Variants in QRFPR observed in about 807,000 individuals in gnomAD.
QRFPR encodes pyroglutamylated RFamide peptide receptor.
In QRFPR, 37 loss-of-function variants were observed where a neutral mutation model predicts 31.3. The ratio of observed to expected loss-of-function variants is 1.18; its 90% confidence interval spans 0.91 to 1.56. The LOEUF is 1.56. Among genes scored for constraint, QRFPR ranks in the 40% most tolerant of loss-of-function variants. The pLI is 0.00. For missense variants in QRFPR, 542 were observed against 532.5 expected (o/e 1.02, Z -0.18); for synonymous variants, 197 against 192.0 (o/e 1.03, Z -0.22).
intron 1 of QRFPR, among the ~76,000 whole-genome samples, chr4:121,368,960 T>C (rs1726178512): frequency 6.6e-6 from 1 of 151,574 alleles, no homozygotes; most frequent in South Asian, 2.1e-4. Context: ...GGGGCAAGCT[T>C]TGTATCAATA....
intron 1 of QRFPR, among the ~76,000 whole-genome samples, chr4:121,341,084 A>G (rs1725536127): frequency 6.6e-6 from 1 of 152,194 alleles, no homozygotes; most frequent in African/African-American, 2.4e-5. Context: ...AAGACTTTAT[A>G]TATGTATTAC....
At chr4:121,360,302 C>G (rs1367567247) in intron 1 of QRFPR, among the ~76,000 whole-genome samples, 1 of 152,164 alleles carries the variant, frequency 6.6e-6, no homozygotes, top group Admixed American at 6.5e-5. Context: ...TGGATAAAAA[C>G]TTAGTACTTT....
At chr4:121,348,081 C>A (rs1376940327) in intron 1 of QRFPR, among the ~76,000 whole-genome samples, 1 of 152,014 alleles carries the variant, frequency 6.6e-6, no homozygotes, top group Non-Finnish European at 1.5e-5. Flanking sequence ...TTCTTCACCA[C>A]AGTATAGTAG....
At chr4:121,365,549 TAATATATAA>T (rs1560743674) in intron 1 of QRFPR, among the ~76,000 whole-genome samples, 247 of 9,094 alleles carry the variant, frequency 0.027, 47 homozygotes, top group African/African-American at 0.087. Context: ...ATATTATATA[TAATATATAA>T]TATATATTAT....
intron 1 of QRFPR, among the ~76,000 whole-genome samples, chr4:121,379,241 C>T (rs918677491): frequency 1.3e-5 from 2 of 152,138 alleles, no homozygotes; most frequent in African/African-American, 2.4e-5. Context: ...TAACAGCAAA[C>T]TCAGTTTAAG....
At chr4:121,331,128 A>G (rs1433733644) in intron 4 of QRFPR, among the ~76,000 whole-genome samples, 1 of 150,198 alleles carries the variant, frequency 6.7e-6, no homozygotes, top group African/African-American at 2.5e-5. Context: ...AAATATGGGA[A>G]GTTCCAGGGA....
chr4:121,367,830 G>T (rs1471856668), intron 1 of QRFPR, among the ~76,000 whole-genome samples: 1 of 148,952 alleles, frequency 6.7e-6, no homozygotes, highest in East Asian at 2.0e-4. Context: ...AAAGCAAAGA[G>T]AAATTAATAC....
In QRFPR at chr4:121,380,784, C is replaced by T; in HGVS notation, c.-137G>A. ...CTCTGGAGTCAGCCGCGCGGGAGGG[C>T]TCTAGGCTGCACCCCGGGAGGTTCG... is the stretch of plus-strand genomic sequence containing the variant. On this transcript the variant is annotated 5_prime_UTR_variant, in exon 1 of 6. Coordinates refer to ENST00000394427, the MANE Select transcript of QRFPR (RefSeq NM_198179.3). 1 of 741,126 alleles carries T rather than the reference C, an allele frequency of 1.3e-6. No individual in the cohort carries two copies. The highest frequency in any genetic ancestry group is 2.1e-6 in the Non-Finnish European group (1 of 465,516). 45.9% of individuals were successfully genotyped at this position (741,126 alleles called of 1,614,324 possible).
intron 1 of QRFPR, among the ~76,000 whole-genome samples, chr4:121,372,652 G>T (rs1726273304): frequency 6.6e-6 from 1 of 152,104 alleles, no homozygotes; most frequent in African/African-American, 2.4e-5. Context: ...ATTCTAAATA[G>T]TTCATGTAAG....
intron 1 of QRFPR, among the ~76,000 whole-genome samples, chr4:121,342,623 GT>G (rs1187450890): frequency 6.6e-6 from 1 of 151,560 alleles, no homozygotes; most frequent in African/African-American, 2.4e-5. Context: ...CTGCTAATTT[GT>G]TTTTTATTTT....
chr4:121,360,779 AG>A (rs2110478964), intron 1 of QRFPR, among the ~76,000 whole-genome samples: 1 of 152,276 alleles, frequency 6.6e-6, no homozygotes, highest in African/African-American at 2.4e-5. Context: ...AGCACTAGAA[AG>A]TTCTTCAGAA....
At chr4:121,360,634 C>A (rs1181055310) in intron 1 of QRFPR, among the ~76,000 whole-genome samples, 1 of 152,112 alleles carries the variant, frequency 6.6e-6, no homozygotes, top group Non-Finnish European at 1.5e-5. Context: ...CACTGTATTT[C>A]CATTTTGTAA....
In QRFPR at chr4:121,373,698, G is replaced by A. The variant is rs28613632; in HGVS notation, c.340+6610C>T. On this transcript the variant is annotated intron_variant, in intron 1 of 5. Transcript: ENST00000394427. The stretch of plus-strand genomic sequence containing the variant: ...ACTGATTGAATAATAAAATGGGACC[G>A]AAGAAGTTCCAGGTTAAGCTCTCTG... 1.5e-3 allele frequency among the ~76,000 whole-genome samples: 221 copies of A among 152,206 alleles called. 1 individual carries two copies. The highest frequency in any genetic ancestry group is 4.8e-3 in the African/African-American group (201 of 41,520).
At chr4:121,338,726 T>C (rs1466717602) in intron 2 of QRFPR, among the ~76,000 whole-genome samples, 1 of 152,176 alleles carries the variant, frequency 6.6e-6, no homozygotes, top group Non-Finnish European at 1.5e-5. Context: ...ACAGGAGACA[T>C]TAGACCACAG....
chr4:121,378,852 C>T (rs932911518), intron 1 of QRFPR, among the ~76,000 whole-genome samples: 3 of 152,150 alleles, frequency 2.0e-5, no homozygotes, highest in Admixed American at 2.0e-4. Flanking sequence ...ACCATAAAAT[C>T]CCACTTTGCA....
Position 121,330,529 on chromosome 4 carries a change from C to G in QRFPR, c.798-6G>C. ...TGACAGCTCGTTTCTTCTTCCTAAA[C>G]CCACAAGGAAACATTGTATTAGTTA... On this transcript the variant is annotated splice_region_variant and splice_polypyrimidine_tract_variant and intron_variant, in intron 4 of 5. Coordinates refer to ENST00000394427, the MANE Select transcript of QRFPR (RefSeq NM_198179.3). The G allele has an allele frequency of 6.2e-7, 1 of 1,609,560 alleles. No homozygotes were observed. Among genetic ancestry groups the G allele is most frequent in the Non-Finnish European group, 8.5e-7 (1 of 1,175,938 alleles).
At chr4:121,377,411 ATAT>A (rs750707875) in intron 1 of QRFPR, among the ~76,000 whole-genome samples, 1,161 of 105,820 alleles carry the variant, frequency 0.011, 10 homozygotes, top group African/African-American at 0.03. Flanking sequence ...ATATATATAT[ATAT>A]TTTTTTTTTT....
chr4:121,352,042 ACTT>A (rs1290142028), intron 1 of QRFPR, among the ~76,000 whole-genome samples: 1 of 152,088 alleles, frequency 6.6e-6, no homozygotes, highest in Non-Finnish European at 1.5e-5. Flanking sequence ...TGTGGGAAAA[ACTT>A]AAATACACTA....
intron 4 of QRFPR, among the ~76,000 whole-genome samples, chr4:121,331,857 C>CA (rs576980619): frequency 1.3e-5 from 2 of 151,788 alleles, no homozygotes; most frequent in South Asian, 4.2e-4. Flanking sequence ...TTCACCATGT[C>CA]GGTCAGGCTG....
Sources: allele counts gnomAD v4.1 joint callset (sites outside exome capture counted in the v4.1 genomes callset), GRCh38; gene constraint gnomAD v4.1.1; transcripts MANE v1.5; gene names NCBI Gene and HGNC (gene_info 2026-07-23, HGNC 2026-07-21).